SOX12: variants seen among roughly 807,000 people sequenced by gnomAD.
SOX12 encodes transcription factor SOX-12.
Under a neutral mutation model 21.5 loss-of-function variants are expected in SOX12, and 8 were observed. The observed-to-expected ratio is 0.37, with a 90% CI of 0.22 to 0.67. The LOEUF (loss-of-function observed/expected upper bound fraction) is 0.67, where lower values mean the gene tolerates loss of function less well. SOX12 is among the 30% of genes least tolerant of loss of function. SOX12 has a pLI of 0.56. For synonymous variants in SOX12, 235 were observed against 224.2 expected (o/e 1.05, Z -0.43); for missense variants, 400 against 482.6 (o/e 0.83, Z 1.60).
Position 326,505 on chromosome 20 carries a change from GGGC to G in SOX12, c.582_584del (p.Ala196del), listed in dbSNP as rs1431093951. 1.4e-6 allele frequency: 2 copies of G among 1,438,108 alleles called. No homozygotes were observed. Among genetic ancestry groups the G allele is most frequent in the African/African-American group, 3.0e-5 (2 of 66,340 alleles). 89.1% of individuals were successfully genotyped at this position (1,438,108 alleles called of 1,614,324 possible). A position where few individuals can be genotyped will look rare whatever the true frequency, so the allele number is the denominator to read the frequency against. On this transcript the variant is annotated inframe_deletion, in exon 1 of 1. Coordinates refer to ENST00000342665, the MANE Select transcript of SOX12 (RefSeq NM_006943.4). This position sits in a 1 kb window ranked among gnomAD's most constrained non-coding sequence, Gnocchi z 9.9. The stretch of plus-strand genomic sequence containing the variant: ...CTGTGGAGGATGGTCCCGGCGGGAC[GGGC>G]CGCTCGGGGACAAGCGGAGCGCGCC...
chr20:325,578 G>A lies in SOX12; in HGVS notation c.-347G>A, dbSNP rs1568504378. On this transcript the variant is annotated 5_prime_UTR_variant, in exon 1 of 1. Coordinates refer to ENST00000342665, the MANE Select transcript of SOX12 (RefSeq NM_006943.4). The surrounding 1 kb of genome is among the most constrained non-coding windows in gnomAD (Gnocchi z 5.0). Reference sequence around the variant, plus strand: ...CTGAAAGGCGTCGGCGGCCGGGCGGGGAGCGGCGCGCGCGGGCCGCGGCGG... The same window carrying A: ...CTGAAAGGCGTCGGCGGCCGGGCGGAGAGCGGCGCGCGCGGGCCGCGGCGG... 2.0e-5 allele frequency: 3 copies of A among 150,276 alleles called. No homozygotes were observed. The highest frequency in any genetic ancestry group is 1.5e-5 in the Non-Finnish European group (1 of 67,492). 9.3% of individuals were successfully genotyped at this position (150,276 alleles called of 1,614,324 possible). A position where few individuals can be genotyped will look rare whatever the true frequency, so the allele number is the denominator to read the frequency against.
Position 326,604 on chromosome 20 carries a change from C to G in SOX12, c.680C>G (p.Pro227Arg), listed in dbSNP as rs2013097907. ...ASPTPSEDEEPEEEEEEAAAA... is the reference protein window; with the variant it reads ...ASPTPSEDEEREEEEEEAAAA... ...CCGACACCGTCGGAGGACGAGGAGC[C>G]GGAGGAAGAGGAGGAGGAGGCGGCA... Residue 227 changes from proline (P) to arginine (R), a missense_variant, in exon 1 of 1, where the codon CCG becomes CGG. Around this residue, in one of 4 missense-constraint regions of SOX12, gnomAD observed 235 missense variants for 219.3 expected, o/e 1.07. Transcript: ENST00000342665. The surrounding 1 kb of genome is among the most constrained non-coding windows in gnomAD (Gnocchi z 9.9). 4 of 1,537,550 alleles carry G rather than the reference C, an allele frequency of 2.6e-6. No individual in the cohort carries two copies. The Admixed American group carries it at 6.0e-5, about 23-fold the overall frequency.
chr20:326,450 G>C lies in SOX12; in HGVS notation c.526G>C (p.Val176Leu). Residue 176 changes from valine to leucine, a missense_variant, in exon 1 of 1, where the codon GTG becomes CTG. Val to Leu is a conservative substitution (Grantham distance 32). Transcript: ENST00000342665. This position sits in a 1 kb window ranked among gnomAD's most constrained non-coding sequence, Gnocchi z 9.9. ...AGACGACGACGAGGAGCTGCTGGAA[G>C]TGCGCCTGGTCGAGACCCCGGGGCG... The part of the protein sequence containing the change: ...DEDDDEELLE[V>L]RLVETPGREL... The C allele has an allele frequency of 1.5e-6, 2 of 1,376,278 alleles. No individual in the cohort carries two copies. Among genetic ancestry groups the C allele is most frequent in the Non-Finnish European group, 1.9e-6 (2 of 1,072,984 alleles). 85.3% of individuals were successfully genotyped at this position (1,376,278 alleles called of 1,614,324 possible). A position where few individuals can be genotyped will look rare whatever the true frequency, so the allele number is the denominator to read the frequency against.
At position 325,788 on chromosome 20, in the gene SOX12, G is replaced by T. The variant is rs2013076426; in HGVS notation, c.-137G>T. 1 of 299,884 alleles carries T rather than the reference G, an allele frequency of 3.3e-6. No homozygotes were observed. The highest frequency in any genetic ancestry group is 5.0e-6 in the Non-Finnish European group (1 of 201,904). 18.6% of individuals were successfully genotyped at this position (299,884 alleles called of 1,614,324 possible). ...GTTGGGCCCGAGCGCCCAGCTCCTC[G>T]CTCCCCAGTTCGCGGGGGCCGGGCC... On this transcript the variant is annotated 5_prime_UTR_variant, in exon 1 of 1. Coordinates refer to ENST00000342665, the MANE Select transcript of SOX12 (RefSeq NM_006943.4). The surrounding 1 kb of genome is among the most constrained non-coding windows in gnomAD (Gnocchi z 5.0).
Position 326,758 on chromosome 20 carries a change from T to G in SOX12, c.834T>G (p.Pro278=). 6.2e-7 allele frequency: 1 copy of G among 1,612,354 alleles called. No individual in the cohort carries two copies. Among genetic ancestry groups the G allele is most frequent in the Non-Finnish European group, 8.5e-7 (1 of 1,179,320 alleles). Residue 278 remains proline, a synonymous_variant, in exon 1 of 1, where the codon CCT becomes CCG. Transcript: ENST00000342665. The surrounding 1 kb of genome is among the most constrained non-coding windows in gnomAD (Gnocchi z 9.9). The stretch of plus-strand genomic sequence containing the variant: ...TGGATCGCGACCCGGACCTGCAGCC[T>G]CCCTCGGGCACGTCGCACTTCGAGT... ...SALDRDPDLQ[P]PSGTSHFEFP... is the part of the protein sequence containing the mutation.
rs2013130752 is a variant in SOX12, at chr20:327,942, C to T, written c.*1070C>T. 1 of 167,202 alleles carries T rather than the reference C, an allele frequency of 6.0e-6. No individual in the cohort carries two copies. Among genetic ancestry groups the T allele is most frequent in the African/African-American group, 2.4e-5 (1 of 41,454 alleles). 10.4% of individuals were successfully genotyped at this position (167,202 alleles called of 1,614,324 possible). On this transcript the variant is annotated 3_prime_UTR_variant, in exon 1 of 1. Transcript: ENST00000342665. ...CGGCCCTTCCTGTCACCCAGGTCCA[C>T]CCTCAGTACTCAAGCTGCAGTATAC...
rs1485219475 is a variant in SOX12, at chr20:328,568, TG to T, written c.*1697del. Reference sequence around the variant, plus strand: ...AAACAACAACAACAAAAAAAGACAATGAAAAAAAAAACGTCATGTGAGTGAA... The same window carrying T: ...AAACAACAACAACAAAAAAAGACAATAAAAAAAAAACGTCATGTGAGTGAA... On this transcript the variant is annotated 3_prime_UTR_variant, in exon 1 of 1. Transcript: ENST00000342665. 2.1e-5 allele frequency: 3 copies of T among 144,270 alleles called. No individual in the cohort carries two copies. The highest frequency in any genetic ancestry group is 2.1e-4 in the East Asian group (1 of 4,696). The allele number at this position is 144,270 out of a possible 1,614,324, so 8.9% of individuals were successfully genotyped here.
chr20:326,942 C>A lies in SOX12; in HGVS notation c.*70C>A. 6.7e-7 allele frequency: 1 copy of A among 1,486,258 alleles called. No individual in the cohort carries two copies. Among genetic ancestry groups the A allele is most frequent in the Non-Finnish European group, 9.4e-7 (1 of 1,065,692 alleles). 92.1% of individuals were successfully genotyped at this position (1,486,258 alleles called of 1,614,324 possible). A position where few individuals can be genotyped will look rare whatever the true frequency, so the allele number is the denominator to read the frequency against. On this transcript the variant is annotated 3_prime_UTR_variant, in exon 1 of 1. Transcript: ENST00000342665. This position sits in a 1 kb window ranked among gnomAD's most constrained non-coding sequence, Gnocchi z 9.9. ...CATACAGGAATCAGGTATTGGGGCC[C>A]CTCGGAGGCCGAGGCTGGCACCCCA...
chr20:326,241 A>C lies in SOX12; in HGVS notation c.317A>C (p.Asp106Ala). ...LRLKHMADYPDYKYRPRKKSK... is the reference protein window; with the variant it reads ...LRLKHMADYPAYKYRPRKKSK... The stretch of plus-strand genomic sequence containing the variant: ...CTCAAGCACATGGCGGATTACCCGG[A>C]CTACAAGTACCGGCCGCGCAAAAAG... The change falls in exon 1 of 1, where the codon GAC becomes GCC. Residue 106 changes from aspartate (D) to alanine (A), a missense_variant. Asp to Ala is a moderately radical substitution (Grantham distance 126, BLOSUM62 -2). Around this residue, in one of 4 missense-constraint regions of SOX12, gnomAD observed 92 missense variants for 162.0 expected, o/e 0.57. Transcript: ENST00000342665. The surrounding 1 kb of genome is among the most constrained non-coding windows in gnomAD (Gnocchi z 9.9). The C allele has an allele frequency of 1.3e-6, 2 of 1,566,370 alleles. No homozygotes were observed. Among genetic ancestry groups the C allele is most frequent in the Non-Finnish European group, 1.7e-6 (2 of 1,157,698 alleles).
In SOX12 at chr20:329,991, C is replaced by A. The variant is rs1039146940; in HGVS notation, c.*3119C>A. The stretch of plus-strand genomic sequence containing the variant: ...CAGAGAGCCACTTCACCTGAGACCA[C>A]GCCCTTCCTGGGGCAGCCTGTATCT... On this transcript the variant is annotated 3_prime_UTR_variant, in exon 1 of 1. Coordinates refer to ENST00000342665, the MANE Select transcript of SOX12 (RefSeq NM_006943.4). The A allele has an allele frequency of 6.0e-6, 1 of 167,156 alleles. No homozygotes were observed. Among genetic ancestry groups the A allele is most frequent in the Non-Finnish European group, 1.5e-5 (1 of 68,172 alleles). The allele number at this position is 167,156 out of a possible 1,614,324, so 10.4% of individuals were successfully genotyped here.
Position 325,641 on chromosome 20 carries a change from G to A in SOX12, c.-284G>A, listed in dbSNP as rs1459892801. 1 of 151,276 alleles carries A rather than the reference G, an allele frequency of 6.6e-6. No individual in the cohort carries two copies. Among genetic ancestry groups the A allele is most frequent in the African/African-American group, 2.4e-5 (1 of 41,166 alleles). The allele number at this position is 151,276 out of a possible 1,614,324, so 9.4% of individuals were successfully genotyped here. A position where few individuals can be genotyped will look rare whatever the true frequency, so the allele number is the denominator to read the frequency against. On this transcript the variant is annotated 5_prime_UTR_variant, in exon 1 of 1. Transcript: ENST00000342665. This position sits in a 1 kb window ranked among gnomAD's most constrained non-coding sequence, Gnocchi z 5.0. The stretch of plus-strand genomic sequence containing the variant: ...CAGGAAGAGCCCGCGGGGGCCCGGA[G>A]GGTGCGATTCCTCGGCCCCCGCAAA...
rs1332108206 is a variant in SOX12 at position 328,819 on chromosome 20, C to A, written c.*1947C>A. On this transcript the variant is annotated 3_prime_UTR_variant, in exon 1 of 1. Transcript: ENST00000342665. Reference sequence around the variant, plus strand: ...CAAGTCCGTGTGATTTGGGCCCGAGCTGGGTGTCCCAGGGCAAGCCACCTT... The same window carrying A: ...CAAGTCCGTGTGATTTGGGCCCGAGATGGGTGTCCCAGGGCAAGCCACCTT... 6.0e-6 allele frequency: 1 copy of A among 167,256 alleles called. No homozygotes were observed. The highest frequency in any genetic ancestry group is 1.5e-5 in the Non-Finnish European group (1 of 68,244). The allele number at this position is 167,256 out of a possible 1,614,324, so 10.4% of individuals were successfully genotyped here.
chr20:328,872 C>T lies in SOX12; in HGVS notation c.*2000C>T, dbSNP rs2013150493. The T allele has an allele frequency of 6.0e-6, 1 of 167,088 alleles. No individual in the cohort carries two copies. Among genetic ancestry groups the T allele is most frequent in the Admixed American group, 6.5e-5 (1 of 15,282 alleles). 10.4% of individuals were successfully genotyped at this position (167,088 alleles called of 1,614,324 possible). A position where few individuals can be genotyped will look rare whatever the true frequency, so the allele number is the denominator to read the frequency against. On this transcript the variant is annotated 3_prime_UTR_variant, in exon 1 of 1. Transcript: ENST00000342665. The stretch of plus-strand genomic sequence containing the variant: ...CTGTCTAGGCCTCTATGTCAGGACT[C>T]CCTGGCCTTCATGAAGAATAGCAAA...
chr20:326,386 T>C lies in SOX12; in HGVS notation c.462T>C (p.Pro154=). ...GRGGRRAAGG[P]LGGGAAAPED... The stretch of plus-strand genomic sequence containing the variant: ...GGGGCCGCCGAGCAGCGGGAGGGCC[T>C]TTGGGGGGCGGGGCGGCGGCGCCCG... Residue 154 remains proline (P), a synonymous_variant, in exon 1 of 1, where the codon CCT becomes CCC. Transcript: ENST00000342665. The surrounding 1 kb of genome is among the most constrained non-coding windows in gnomAD (Gnocchi z 9.9). The C allele has an allele frequency of 1.5e-6, 2 of 1,332,752 alleles. No homozygotes were observed. Among genetic ancestry groups the C allele is most frequent in the Non-Finnish European group, 9.6e-7 (1 of 1,045,908 alleles). The allele number at this position is 1,332,752 out of a possible 1,614,324, so 82.6% of individuals were successfully genotyped here. A position where few individuals can be genotyped will look rare whatever the true frequency, so the allele number is the denominator to read the frequency against.
rs778948503 is a variant in SOX12 at position 326,402 on chromosome 20, G to A, written c.478G>A (p.Ala160Thr). The stretch of plus-strand genomic sequence containing the variant: ...GGGAGGGCCTTTGGGGGGCGGGGCG[G>A]CGGCGCCCGAGGACGACGATGAAGA... ...AAGGPLGGGAAAPEDDDEDDD... is the reference protein window; with the variant it reads ...AAGGPLGGGATAPEDDDEDDD... Residue 160 changes from alanine (A) to threonine (T), a missense_variant, in exon 1 of 1, where the codon GCG becomes ACG. By Grantham distance (58) the Ala-to-Thr change is moderately conservative. Transcript: ENST00000342665. The surrounding 1 kb of genome is among the most constrained non-coding windows in gnomAD (Gnocchi z 9.9). The A allele has an allele frequency of 1.9e-5, 25 of 1,338,806 alleles. No homozygotes were observed. The African/African-American group carries it at 3.4e-4, about 18-fold the overall frequency. 82.9% of individuals were successfully genotyped at this position (1,338,806 alleles called of 1,614,324 possible). A position where few individuals can be genotyped will look rare whatever the true frequency, so the allele number is the denominator to read the frequency against.
In SOX12 at chr20:327,050, A is replaced by G; in HGVS notation, c.*178A>G. 1.8e-6 allele frequency: 1 copy of G among 563,326 alleles called. No individual in the cohort carries two copies. The highest frequency in any genetic ancestry group is 1.9e-5 in the South Asian group (1 of 52,498). 34.9% of individuals were successfully genotyped at this position (563,326 alleles called of 1,614,324 possible). A position where few individuals can be genotyped will look rare whatever the true frequency, so the allele number is the denominator to read the frequency against. On this transcript the variant is annotated 3_prime_UTR_variant, in exon 1 of 1. Coordinates refer to ENST00000342665, the MANE Select transcript of SOX12 (RefSeq NM_006943.4). Reference sequence around the variant, plus strand: ...GCCCCTCCCCCGCAGACACACCCCAAGGCAGCCCAACCCCCACCCCTTCCC... The same window carrying G: ...GCCCCTCCCCCGCAGACACACCCCAGGGCAGCCCAACCCCCACCCCTTCCC...
rs1338763361 is a variant in SOX12 at position 328,685 on chromosome 20, TC to T, written c.*1815del. 6.0e-6 allele frequency: 1 copy of T among 167,044 alleles called. No homozygotes were observed. Among genetic ancestry groups the T allele is most frequent in the Non-Finnish European group, 1.5e-5 (1 of 68,182 alleles). 10.3% of individuals were successfully genotyped at this position (167,044 alleles called of 1,614,324 possible). On this transcript the variant is annotated 3_prime_UTR_variant, in exon 1 of 1. Transcript: ENST00000342665. ...GGGGCACTGGCACCCACAGCAGGAC[TC>T]CGCCAGTCTGATGCCAGGACTGAAT...
Position 326,113 on chromosome 20 carries a change from C to A in SOX12, c.189C>A (p.Pro63=), listed in dbSNP as rs1388118463. 2.5e-6 allele frequency: 4 copies of A among 1,602,028 alleles called. No individual in the cohort carries two copies. In the African/African-American group the frequency reaches 5.4e-5, roughly 22 times the overall value. The part of the protein sequence containing the change: ...HERRKIMDQW[P]DMHNAEISKR... ...GGCGGAAGATCATGGACCAGTGGCC[C>A]GACATGCACAACGCCGAGATCTCCA... The change falls in exon 1 of 1, where the codon CCC becomes CCA. Residue 63 remains proline (P), a synonymous_variant. Coordinates refer to ENST00000342665, the MANE Select transcript of SOX12 (RefSeq NM_006943.4). The surrounding 1 kb of genome is among the most constrained non-coding windows in gnomAD (Gnocchi z 9.9).
At position 326,588 on chromosome 20, in the gene SOX12, TCGGAGGACGAGGAGC is replaced by T; in HGVS notation, c.672_686del (p.Asp224_Glu228del). On this transcript the variant is annotated inframe_deletion, in exon 1 of 1. Coordinates refer to ENST00000342665, the MANE Select transcript of SOX12 (RefSeq NM_006943.4). The surrounding 1 kb of genome is among the most constrained non-coding windows in gnomAD (Gnocchi z 9.9). ...CGCCGCCGCCGCCTCCCCGACACCG[TCGGAGGACGAGGAGC>T]CGGAGGAAGAGGAGGAGGAGGCGGC... The T allele has an allele frequency of 2.0e-6, 3 of 1,538,452 alleles. No individual in the cohort carries two copies. Among genetic ancestry groups the T allele is most frequent in the East Asian group, 4.9e-5 (2 of 40,626 alleles).
Sources: allele counts gnomAD v4.1 joint callset, GRCh38; gene constraint gnomAD v4.1.1; regional missense constraint gnomAD v4.1.1; non-coding constraint Gnocchi (gnomAD v3.1); transcripts MANE v1.5; gene names NCBI Gene and HGNC (gene_info 2026-07-23, HGNC 2026-07-21).